Variants in LINGO2 observed in about 807,000 individuals in gnomAD.
The protein encoded by LINGO2 is leucine-rich repeat and immunoglobulin-like domain-containing nogo receptor-interacting protein 2.
A neutral mutation model predicts 30.6 loss-of-function variants in LINGO2; 14 were observed. That is an observed-to-expected ratio of 0.46 (90% CI 0.30 to 0.72). The LOEUF is 0.72. LINGO2 is among the 30% of genes least tolerant of loss of function. The pLI, the probability that LINGO2 is intolerant of heterozygous loss-of-function variation, is 0.07. For missense variants in LINGO2, 729 were observed against 751.7 expected, an observed-to-expected ratio of 0.97 and a Z score of 0.35; for synonymous variants, 317 against 288.5, an observed-to-expected ratio of 1.10 and a Z score of -1.00.
the LINGO2 span, among the ~76,000 whole-genome samples, chr9:28,889,322 T>G: frequency 6.6e-6 from 1 of 152,096 alleles, no homozygotes; most frequent in Admixed American, 6.6e-5. Flanking sequence ...TTGTACTTCC[T>G]GGTGCAATGG....
intron 1 of LINGO2, among the ~76,000 whole-genome samples, chr9:28,477,846 C>A (rs575848510): frequency 6.6e-6 from 1 of 152,168 alleles, no homozygotes; most frequent in African/African-American, 2.4e-5. Context: ...ATACAATGAT[C>A]TATTGTGGTC....
chr9:28,798,634 T>C, the LINGO2 span, among the ~76,000 whole-genome samples: 1 of 152,066 alleles, frequency 6.6e-6, no homozygotes, highest in African/African-American at 2.4e-5. Context: ...TCACTTGAGG[T>C]TGATGAACAT....
At chr9:28,758,909 G>A in the LINGO2 span, among the ~76,000 whole-genome samples, 3 of 152,152 alleles carry the variant, frequency 2.0e-5, no homozygotes, top group Admixed American at 2.0e-4. Context: ...TACCAATCCT[G>A]TGAAATTAGA....
chr9:28,451,763 G>T (rs187818999), intron 2 of LINGO2, among the ~76,000 whole-genome samples: 3 of 151,496 alleles, frequency 2.0e-5, no homozygotes, highest in African/African-American at 7.2e-5. Context: ...TATTATAAAG[G>T]GATTTAGCTA....
chr9:28,235,521 A>T (rs1821530624), intron 4 of LINGO2, among the ~76,000 whole-genome samples: 1 of 152,230 alleles, frequency 6.6e-6, no homozygotes, highest in Non-Finnish European at 1.5e-5. Context: ...AATCCTGGAG[A>T]AACAGAGATA....
chr9:29,180,645 G>A, the LINGO2 span, among the ~76,000 whole-genome samples: 2 of 152,162 alleles, frequency 1.3e-5, no homozygotes, highest in Admixed American at 6.5e-5. Flanking sequence ...CTTTTAAACC[G>A]TGTTCCCCTA....
chr9:28,443,361 C>T (rs1824275922), intron 2 of LINGO2, among the ~76,000 whole-genome samples: 1 of 152,190 alleles, frequency 6.6e-6, no homozygotes, highest in African/African-American at 2.4e-5. Context: ...TGGGGCTGCA[C>T]ACTCTGTTGA....
chr9:28,966,273 C>A, the LINGO2 span, among the ~76,000 whole-genome samples: 54 of 152,106 alleles, frequency 3.6e-4, no homozygotes, highest in Non-Finnish European at 6.5e-4. Flanking sequence ...GGGTAAGAAT[C>A]GAGGCCTCTT....
At chr9:28,085,427 C>G (rs1450142342) in intron 4 of LINGO2, among the ~76,000 whole-genome samples, 1 of 152,072 alleles carries the variant, frequency 6.6e-6, no homozygotes, top group East Asian at 1.9e-4. Context: ...ATCTTGGTTT[C>G]TTTTCTGAGG....
chr9:29,194,851 C>T, the LINGO2 span, among the ~76,000 whole-genome samples: 3 of 152,250 alleles, frequency 2.0e-5, no homozygotes, highest in East Asian at 3.9e-4. Flanking sequence ...AAAAAAGCTA[C>T]TCATCATATT....
chr9:28,344,613 A>T (rs1434118816), intron 3 of LINGO2, among the ~76,000 whole-genome samples: 1 of 152,088 alleles, frequency 6.6e-6, no homozygotes, highest in Admixed American at 6.6e-5. Context: ...GCTTTTGTGG[A>T]TCAAATTAAA....
the LINGO2 span, chr9:28,888,953 C>T: frequency 1.9e-6 from 1 of 531,292 alleles, no homozygotes. Context: ...TGCAAATGCA[C>T]ACAAACTTAT....
intron 2 of LINGO2, among the ~76,000 whole-genome samples, chr9:28,445,858 G>GA (rs533952332): frequency 4.6e-5 from 7 of 151,858 alleles, no homozygotes; most frequent in African/African-American, 1.5e-4. Flanking sequence ...CCAGAAGGGG[G>GA]AAAAAAACAT....
chr9:28,056,584 A>T (rs1440871507), intron 4 of LINGO2, among the ~76,000 whole-genome samples: 2 of 152,146 alleles, frequency 1.3e-5, no homozygotes, highest in Non-Finnish European at 2.9e-5. Flanking sequence ...CTACACAGTG[A>T]TTGGCTAAAG....
intron 1 of LINGO2, among the ~76,000 whole-genome samples, chr9:28,557,277 A>G (rs1391404998): frequency 6.6e-6 from 1 of 152,098 alleles, no homozygotes; most frequent in South Asian, 2.1e-4. Flanking sequence ...CAGAATCTAC[A>G]ATGAACTCCA....
intron 4 of LINGO2, among the ~76,000 whole-genome samples, chr9:28,118,987 C>T (rs1167884950): frequency 6.6e-6 from 1 of 151,880 alleles, no homozygotes; most frequent in Non-Finnish European, 1.5e-5. Flanking sequence ...ACCTGTGGTC[C>T]CTGGATCATT....
chr9:28,107,675 A>G (rs1826636736), intron 4 of LINGO2, among the ~76,000 whole-genome samples: 1 of 152,134 alleles, frequency 6.6e-6, no homozygotes, highest in African/African-American at 2.4e-5. Context: ...ACCTTTCTCA[A>G]GCAACATAGA....
At chr9:28,828,600 C>CTTTTT in the LINGO2 span, among the ~76,000 whole-genome samples, 1 of 144,826 alleles carries the variant, frequency 6.9e-6, no homozygotes. Context: ...TAGAGGCAAC[C>CTTTTT]TTTTTTTTTT....
intron 5 of LINGO2, among the ~76,000 whole-genome samples, chr9:27,974,340 G>T (rs1242445240): frequency 1.3e-5 from 2 of 152,110 alleles, no homozygotes; most frequent in East Asian, 1.9e-4. Flanking sequence ...TTTCTGCACT[G>T]TCTTATCAGC....
Sources: gnomAD v4.1 joint callset for allele counts (sites outside exome capture counted in the v4.1 genomes callset) on GRCh38, gnomAD v4.1.1 for gene constraint, MANE v1.5 for transcripts, NCBI Gene and HGNC (gene_info 2026-07-23, HGNC 2026-07-21) for gene names.